Variants in RND3 observed in about 807,000 individuals in gnomAD.
RND3 encodes Rho family GTPase 3.
In RND3, 8 loss-of-function variants were observed where a neutral mutation model predicts 26.5. The observed-to-expected ratio is 0.30, with a 90% confidence interval of 0.18 to 0.54. The LOEUF (loss-of-function observed/expected upper bound fraction) is 0.54, where lower values mean the gene tolerates loss of function less well. RND3 is among the 20% of genes least tolerant of loss of function. The pLI, the probability that RND3 is intolerant of heterozygous loss-of-function variation, is 0.94. For missense variants in RND3, 207 were observed against 302.8 expected, an observed-to-expected ratio of 0.68 and a Z score of 2.35; for synonymous variants, 113 against 113.0, an observed-to-expected ratio of 1.00 and a Z score of 0.00.
At position 150,475,006 on chromosome 2, in the gene RND3, C is replaced by T. The variant is rs150421812; in HGVS notation, c.239-22G>A. 8.4e-5 allele frequency: 125 copies of T among 1,492,136 alleles called. No individual in the cohort carries two copies. In the East Asian group the frequency reaches 2.5e-3, roughly 30 times the overall value. 92.4% of individuals were successfully genotyped at this position (1,492,136 alleles called of 1,614,324 possible). A position where few individuals can be genotyped will look rare whatever the true frequency, so the allele number is the denominator to read the frequency against. ...GAACCTGAGAAGAAACAAAGACACA[C>T]AAATTTTCAGATGAGAGTCCCCTTG... On this transcript the variant is annotated intron_variant, in intron 3 of 5. Transcript: ENST00000263895.
rs575197299 is a variant in RND3, at chr2:150,469,923, C to T, written c.*64G>A. 6.3e-6 allele frequency: 10 copies of T among 1,585,100 alleles called. No homozygotes were observed. Among genetic ancestry groups the T allele is most frequent in the Non-Finnish European group, 8.6e-6 (10 of 1,160,116 alleles). ...GGCTGTGCACTTCATTTAGACTTCA[C>T]CTTTTTGTTTGCTGTTGTTTTTTAC... On this transcript the variant is annotated 3_prime_UTR_variant, in exon 6 of 6. Transcript: ENST00000263895.
chr2:150,471,853 A>G (rs1686092795), intron 4 of RND3, 92 bp from the exon 5 acceptor site: 1 of 1,068,444 alleles, frequency 9.4e-7, no homozygotes, highest in Admixed American at 2.4e-5. Flanking sequence ...CATTAGAATG[A>G]AACTCAGAAA....
At position 150,468,462 on chromosome 2, in the gene RND3, T is replaced by C. The variant is rs1686026808; in HGVS notation, c.*1525A>G. ...TTATGTTGGTAAAATGTCTGTATTTTATGGGAAATGACTGGAATCGAATTT... is the reference window on the plus strand; with the variant it reads ...TTATGTTGGTAAAATGTCTGTATTTCATGGGAAATGACTGGAATCGAATTT... On this transcript the variant is annotated 3_prime_UTR_variant, in exon 6 of 6. Coordinates refer to ENST00000263895, the MANE Select transcript of RND3 (RefSeq NM_005168.5). The C allele has an allele frequency of 1.3e-5, 2 of 152,626 alleles. No homozygotes were observed. Among genetic ancestry groups the C allele is most frequent in the Admixed American group, 6.5e-5 (1 of 15,272 alleles). The allele number at this position is 152,626 out of a possible 1,614,324, so 9.5% of individuals were successfully genotyped here.
chr2:150,483,602 A>T (rs918446522), intron 3 of RND3, among the ~76,000 whole-genome samples: 2 of 152,260 alleles, frequency 1.3e-5, no homozygotes, highest in Non-Finnish European at 2.9e-5. Flanking sequence ...TGGGCAAAGA[A>T]AATGTCAAAC....
rs559901055 is a variant in RND3, at chr2:150,478,233, A to G, written c.239-3249T>C. ...CAAAACAAAAAACAAAAACACTCAC[A>G]CACAAAAACACCTCCTGTGTAACTT... is the stretch of plus-strand genomic sequence containing the variant. On this transcript the variant is annotated intron_variant, in intron 3 of 5. Transcript: ENST00000263895. Among the ~76,000 whole-genome samples the G allele has an allele frequency of 2.3e-4, 35 of 151,914 alleles. No homozygotes were observed. In the South Asian group the frequency reaches 3.1e-3, roughly 14 times the overall value.
Position 150,486,068 on chromosome 2 carries a change from T to G in RND3, c.238+626A>C, listed in dbSNP as rs1686354659. Among the ~76,000 whole-genome samples, 2 of 152,018 alleles carry G rather than the reference T, an allele frequency of 1.3e-5. No homozygotes were observed. Among genetic ancestry groups the G allele is most frequent in the African/African-American group, 4.8e-5 (2 of 41,404 alleles). ...GAAAAAGGGAAAAGCTCGGTACAGG[T>G]GGGCACCGAGGCACCGCGGGCGGCC... On this transcript the variant is annotated intron_variant, in intron 3 of 5. Transcript: ENST00000263895. This position sits in a 1 kb window ranked among gnomAD's most constrained non-coding sequence, Gnocchi z 4.5.
At chr2:150,475,958 G>A (rs2105218433) in intron 3 of RND3, among the ~76,000 whole-genome samples, 1 of 152,260 alleles carries the variant, frequency 6.6e-6, no homozygotes, top group African/African-American at 2.4e-5. Context: ...CAAAGGATGG[G>A]CAATTACATG....
Position 150,470,120 on chromosome 2 carries a change from G to C in RND3, c.602C>G (p.Thr201Arg), listed in dbSNP as rs777165494. The C allele has an allele frequency of 1.9e-6, 3 of 1,613,794 alleles. No individual in the cohort carries two copies. In the African/African-American group the frequency reaches 4.0e-5, roughly 22 times the overall value. The change falls in exon 6 of 6, where the codon ACA becomes AGA. Residue 201 changes from threonine to arginine, a missense_variant. Physicochemically the swap from Thr to Arg is moderately conservative, Grantham distance 71. Coordinates refer to ENST00000263895, the MANE Select transcript of RND3 (RefSeq NM_005168.5). ...TTTGTTCCGCTTAACGTTTTTATTTGTCTTATTTACACATGCCAAGGTGGC... is the reference window on the plus strand; with the variant it reads ...TTTGTTCCGCTTAACGTTTTTATTTCTCTTATTTACACATGCCAAGGTGGC... ...HVATLACVNK[T>R]NKNVKRNKSQ...
At position 150,486,090 on chromosome 2, in the gene RND3, G is replaced by A. The variant is rs1163783940; in HGVS notation, c.238+604C>T. Among the ~76,000 whole-genome samples, 1 of 152,174 alleles carries A rather than the reference G, an allele frequency of 6.6e-6. No homozygotes were observed. The highest frequency in any genetic ancestry group is 1.5e-5 in the Non-Finnish European group (1 of 68,026). On this transcript the variant is annotated intron_variant, in intron 3 of 5. Transcript: ENST00000263895. This position sits in a 1 kb window ranked among gnomAD's most constrained non-coding sequence, Gnocchi z 4.5. ...AGGTGGGCACCGAGGCACCGCGGGC[G>A]GCCGGCAGCGCGAAGAGGAGGTTCA... is the stretch of plus-strand genomic sequence containing the variant.
chr2:150,470,746 C>G (rs766016534), intron 5 of RND3, among the ~76,000 whole-genome samples: 12 of 152,198 alleles, frequency 7.9e-5, no homozygotes, highest in Non-Finnish European at 1.8e-4. Flanking sequence ...CCACACAGCT[C>G]TGGCCGTGGC....
chr2:150,471,491 G>A, intron 5 of RND3, 136 bp downstream of exon 5: 1 of 658,540 alleles, frequency 1.5e-6, no homozygotes, highest in Non-Finnish European at 2.5e-6. Flanking sequence ...ATAAATGACA[G>A]CATTTTAAAT....
chr2:150,470,205 T>C lies in RND3; in HGVS notation c.517A>G (p.Thr173Ala). The change falls in exon 6 of 6, where the codon ACT becomes GCT. Residue 173 changes from threonine (T) to alanine (A), a missense_variant. Thr to Ala is a moderately conservative substitution (Grantham distance 58). Transcript: ENST00000263895. ...ANMAKQIGAA[T>A]YIECSALQSE... The stretch of plus-strand genomic sequence containing the variant: ...TGTAAAGCTGAGCATTCGATATAAG[T>C]AGCTGCTCCAATCTGTTTGGCCATA... 1.9e-6 allele frequency: 3 copies of C among 1,613,932 alleles called. No individual in the cohort carries two copies. The highest frequency in any genetic ancestry group is 2.2e-5 in the South Asian group (2 of 91,088).
chr2:150,468,733 AT>A lies in RND3; in HGVS notation c.*1253del, dbSNP rs1434236286. ...CTGTAAACTATTTTAAATGCTTATT[AT>A]TTTACGTAACAACAGAGACCAAGTG... On this transcript the variant is annotated 3_prime_UTR_variant, in exon 6 of 6. Coordinates refer to ENST00000263895, the MANE Select transcript of RND3 (RefSeq NM_005168.5). The A allele has an allele frequency of 2.6e-5, 4 of 152,602 alleles. No individual in the cohort carries two copies. Among genetic ancestry groups the A allele is most frequent in the Non-Finnish European group, 4.4e-5 (3 of 68,030 alleles). The allele number at this position is 152,602 out of a possible 1,614,324, so 9.5% of individuals were successfully genotyped here.
chr2:150,471,627 C>G lies in RND3; in HGVS notation c.483G>C (p.Gln161His). 1 of 1,605,248 alleles carries G rather than the reference C, an allele frequency of 6.2e-7. No homozygotes were observed. The highest frequency in any genetic ancestry group is 8.5e-7 in the Non-Finnish European group (1 of 1,176,990). Reference sequence around the variant, plus strand: ...TTTTGCACATGGGCAACATACATACCTGGTCATAGGACACTGGCGTCTGCC... The same window carrying G: ...TTTTGCACATGGGCAACATACATACGTGGTCATAGGACACTGGCGTCTGCC... ...NHRQTPVSYD[Q>H]GANMAKQIGA... is the part of the protein sequence containing the mutation. The change falls in exon 5 of 6, where the codon CAG (glutamine) becomes CAC (histidine). Residue 161 changes from glutamine (Q) to histidine (H), a missense_variant and splice_region_variant. Gln to His is a conservative substitution (Grantham distance 24). Coordinates refer to ENST00000263895, the MANE Select transcript of RND3 (RefSeq NM_005168.5).
chr2:150,487,023 C>T (rs974361066), intron 2 of RND3: 31 of 604,492 alleles, frequency 5.1e-5, no homozygotes, highest in Admixed American at 8.7e-5. Flanking sequence ...GTTATGCACA[C>T]AGGAACGAAC....
Position 150,486,474 on chromosome 2 carries a change from C to A in RND3, c.238+220G>T, listed in dbSNP as rs1358637971. 6.6e-6 allele frequency among the ~76,000 whole-genome samples: 1 copy of A among 152,230 alleles called. No homozygotes were observed. The highest frequency in any genetic ancestry group is 2.4e-5 in the African/African-American group (1 of 41,474). Reference sequence around the variant, plus strand: ...TGGCTCCAACCGCGGGGTCACCCTGCGGGCACACAGCGCTCTCCTCTCCCC... The same window carrying A: ...TGGCTCCAACCGCGGGGTCACCCTGAGGGCACACAGCGCTCTCCTCTCCCC... On this transcript the variant is annotated intron_variant, in intron 3 of 5. Coordinates refer to ENST00000263895, the MANE Select transcript of RND3 (RefSeq NM_005168.5). The surrounding 1 kb of genome is among the most constrained non-coding windows in gnomAD (Gnocchi z 4.5).
chr2:150,468,625 G>T lies in RND3; in HGVS notation c.*1362C>A, dbSNP rs565781296. On this transcript the variant is annotated 3_prime_UTR_variant, in exon 6 of 6. Transcript: ENST00000263895. ...AGCACTATCATGGGAAAGAAAGCTCGTTTTCAACAAGCGCCAACAATAAAC... is the reference window on the plus strand; with the variant it reads ...AGCACTATCATGGGAAAGAAAGCTCTTTTTCAACAAGCGCCAACAATAAAC... The T allele has an allele frequency of 6.5e-6, 1 of 152,726 alleles. No individual in the cohort carries two copies. Among genetic ancestry groups the T allele is most frequent in the South Asian group, 2.1e-4 (1 of 4,828 alleles). 9.5% of individuals were successfully genotyped at this position (152,726 alleles called of 1,614,324 possible).
At chr2:150,487,180 G>C in intron 2 of RND3, 88 bp downstream of exon 2, 1 of 885,322 alleles carries the variant, frequency 1.1e-6, no homozygotes, top group Non-Finnish European at 1.6e-6. Context: ...TTTTTTAAGG[G>C]AAAACGGATG....
At chr2:150,478,579 C>CAAAAAAAAAAAAAAAAAAAAAAAAAAAA (rs1229770069) in intron 3 of RND3, among the ~76,000 whole-genome samples, 2 of 106,368 alleles carry the variant, frequency 1.9e-5, no homozygotes, top group African/African-American at 7.4e-5. Flanking sequence ...AGCCAAACGG[C>CAAAAAAAAAAAAAAAAAAAAAAAAAAAA]AAAAAAAAAA....
Sources: gnomAD v4.1 joint callset for allele counts (sites outside exome capture counted in the v4.1 genomes callset) on GRCh38, gnomAD v4.1.1 for gene constraint, Gnocchi (gnomAD v3.1) non-coding constraint, MANE v1.5 for transcripts, NCBI Gene and HGNC (gene_info 2026-07-23, HGNC 2026-07-21) for gene names.